XKR3: variants seen among roughly 807,000 people sequenced by gnomAD.
The protein encoded by XKR3 is XK related 3, also known as XK-related protein 3.
A neutral mutation model predicts 40.3 loss-of-function variants in XKR3; 27 were observed. The observed-to-expected ratio is 0.67, with a 90% confidence interval of 0.49 to 0.92. The LOEUF is 0.92. Among genes scored for constraint, XKR3 ranks in the 40% least tolerant of loss-of-function variants. The probability of loss-of-function intolerance (pLI) is 0.00; values close to 1 mark genes in which losing one functional copy is unlikely to be tolerated. For synonymous variants in XKR3, 193 were observed against 195.4 expected (o/e 0.99, Z 0.10); for missense variants, 472 against 537.6 (o/e 0.88, Z 1.21).
chr22:16,823,249 T>A (rs1266996149), intron 1 of XKR3, among the ~76,000 whole-genome samples: 1 of 152,100 alleles, frequency 6.6e-6, no homozygotes, highest in Non-Finnish European at 1.5e-5. Flanking sequence ...AATGATAACA[T>A]CATTAGAATC....
chr22:16,821,664 T>G (rs1256437031), intron 1 of XKR3: 7 of 152,116 alleles, frequency 4.6e-5, no homozygotes, highest in Admixed American at 4.6e-4. Context: ...GGAGTTTCAC[T>G]GATACGTTCT....
intron 1 of XKR3, among the ~76,000 whole-genome samples, chr22:16,823,106 A>C (rs2060263123): frequency 6.6e-6 from 1 of 152,100 alleles, no homozygotes; most frequent in South Asian, 2.1e-4. Flanking sequence ...CAAACTCATG[A>C]GCTAAAGTGA....
chr22:16,822,322 C>G (rs1165353185), intron 1 of XKR3, among the ~76,000 whole-genome samples: 10 of 151,404 alleles, frequency 6.6e-5, no homozygotes, highest in Non-Finnish European at 1.3e-4. Context: ...CACTACAAAC[C>G]TCAAAGCAAG....
chr22:16,806,722 G>T (rs1015991916), intron 2 of XKR3, among the ~76,000 whole-genome samples: 2 of 152,032 alleles, frequency 1.3e-5, no homozygotes, highest in African/African-American at 4.8e-5. Flanking sequence ...ACAGGGATGA[G>T]CCACCACACC....
chr22:16,807,202 C>G lies in XKR3; in HGVS notation c.335+537G>C, dbSNP rs144449726. The stretch of plus-strand genomic sequence containing the variant: ...GATTAACATAACAAAATTTACAGTA[C>G]TCATGCAAATCAGTGTAGTAACAGA... On this transcript the variant is annotated intron_variant, in intron 2 of 3. Coordinates refer to ENST00000684488, the MANE Select transcript of XKR3 (RefSeq NM_001386955.1). 3.5e-3 allele frequency among the ~76,000 whole-genome samples: 531 copies of G among 152,198 alleles called. 3 individuals are homozygous for G. Among genetic ancestry groups the G allele is most frequent in the East Asian group, 0.02 (102 of 5,178 alleles).
chr22:16,816,048 C>T (rs917892730), intron 1 of XKR3, among the ~76,000 whole-genome samples: 18 of 151,718 alleles, frequency 1.2e-4, no homozygotes, highest in South Asian at 4.2e-4. Context: ...TTCTCTACAC[C>T]TTTGTTTTAA....
intron 3 of XKR3, among the ~76,000 whole-genome samples, chr22:16,789,814 A>G (rs2060106342): frequency 6.6e-6 from 1 of 152,232 alleles, no homozygotes; most frequent in South Asian, 2.1e-4. Flanking sequence ...GTGAGCACAA[A>G]TAAATCCACA....
At chr22:16,814,856 C>T (rs1414027203) in intron 1 of XKR3, among the ~76,000 whole-genome samples, 1 of 151,060 alleles carries the variant, frequency 6.6e-6, no homozygotes, top group African/African-American at 2.5e-5. Flanking sequence ...TCTGATTTAT[C>T]AGAATTTTTT....
intron 1 of XKR3, among the ~76,000 whole-genome samples, chr22:16,810,507 C>T (rs909765612): frequency 5.9e-5 from 9 of 152,282 alleles, no homozygotes; most frequent in African/African-American, 1.7e-4. Context: ...ATTTCTCAGG[C>T]GATTAACTCA....
chr22:16,802,491 C>CT (rs140360597), intron 2 of XKR3, among the ~76,000 whole-genome samples: 27,333 of 149,530 alleles, frequency 0.18, 2,891 homozygotes, highest in East Asian at 0.28. Flanking sequence ...CCCAGTCTTT[C>CT]TTTTTTTTTT....
chr22:16,806,260 C>A (rs1158360356), intron 2 of XKR3, among the ~76,000 whole-genome samples: 84 of 131,968 alleles, frequency 6.4e-4, no homozygotes, highest in South Asian at 9.8e-4. Context: ...TAGTTCATCT[C>A]AAAAAAAAAA....
chr22:16,819,304 CAA>C (rs1178951641), intron 1 of XKR3, among the ~76,000 whole-genome samples: 1 of 151,974 alleles, frequency 6.6e-6, no homozygotes, highest in Non-Finnish European at 1.5e-5. Context: ...ATAGCTAAGA[CAA>C]TTTTGAAAAA....
At chr22:16,803,281 T>C (rs1246879194) in intron 2 of XKR3, among the ~76,000 whole-genome samples, 1 of 152,090 alleles carries the variant, frequency 6.6e-6, no homozygotes, top group African/African-American at 2.4e-5. Flanking sequence ...CCAATATCCT[T>C]TATGAACCAC....
At chr22:16,825,029 G>A (rs534602877) in intron 1 of XKR3, among the ~76,000 whole-genome samples, 4 of 152,132 alleles carry the variant, frequency 2.6e-5, no homozygotes, top group South Asian at 4.1e-4. Flanking sequence ...ACTTAAATAC[G>A]AAGCACTTTC....
intron 2 of XKR3, among the ~76,000 whole-genome samples, chr22:16,800,839 T>C (rs1444024566): frequency 6.6e-6 from 1 of 152,190 alleles, no homozygotes; most frequent in Non-Finnish European, 1.5e-5. Context: ...ATATTTACTT[T>C]TTGAAGAAAT....
At chr22:16,805,846 C>A (rs1245759464) in intron 2 of XKR3, among the ~76,000 whole-genome samples, 1 of 152,088 alleles carries the variant, frequency 6.6e-6, no homozygotes, top group Non-Finnish European at 1.5e-5. Context: ...AAATAGAAAC[C>A]AAAATCACAA....
At chr22:16,793,089 C>T (rs1384113756) in intron 3 of XKR3, among the ~76,000 whole-genome samples, 25 of 152,120 alleles carry the variant, frequency 1.6e-4, no homozygotes, top group African/African-American at 5.3e-4. Flanking sequence ...CTTGGCTCAC[C>T]GCAACCTCTG....
In XKR3 at chr22:16,825,354, T is replaced by C. The variant is rs1318228659; in HGVS notation, c.-74A>G. On this transcript the variant is annotated 5_prime_UTR_variant, in exon 1 of 4. Transcript: ENST00000684488. ...CAAAAAGTAAATGCTTTTGTTCACC[T>C]CTTTAACAGCACCATTTCTGGTCTC... Among the ~76,000 whole-genome samples the C allele has an allele frequency of 6.6e-6, 1 of 152,238 alleles. No individual in the cohort carries two copies. Among genetic ancestry groups the C allele is most frequent in the Non-Finnish European group, 1.5e-5 (1 of 68,040 alleles).
intron 1 of XKR3, among the ~76,000 whole-genome samples, chr22:16,810,213 A>G (rs1399946947): frequency 6.6e-6 from 1 of 152,194 alleles, no homozygotes; most frequent in Non-Finnish European, 1.5e-5. Flanking sequence ...CCAAACTTAT[A>G]GGAGTCTGTT....
Sources: gnomAD v4.1 joint callset for allele counts (sites outside exome capture counted in the v4.1 genomes callset) on GRCh38, gnomAD v4.1.1 for gene constraint, MANE v1.5 for transcripts, NCBI Gene and HGNC (gene_info 2026-07-23, HGNC 2026-07-21) for gene names.